Variants in PRKN observed in about 807,000 individuals in gnomAD.
PRKN encodes E3 ubiquitin-protein ligase parkin.
Under a neutral mutation model 59.5 loss-of-function variants are expected in PRKN, and 56 were observed. The observed-to-expected ratio is 0.94, with a 90% confidence interval of 0.76 to 1.18. The LOEUF (loss-of-function observed/expected upper bound fraction) is 1.18, where lower values mean the gene tolerates loss of function less well. Ranked by LOEUF, PRKN falls within the 50% of genes most tolerant of loss-of-function variation. The pLI is 0.00. For missense variants in PRKN, 657 were observed against 596.4 expected, an observed-to-expected ratio of 1.10 and a Z score of -1.06; for synonymous variants, 250 against 222.1, an observed-to-expected ratio of 1.13 and a Z score of -1.12.
intron 6 of PRKN, among the ~76,000 whole-genome samples, chr6:161,867,572 G>GA (rs1399151891): frequency 6.6e-6 from 1 of 151,828 alleles, no homozygotes; most frequent in Non-Finnish European, 1.5e-5. Flanking sequence ...GATGAAAATA[G>GA]AAAAAAGGTG....
chr6:162,589,452 G>T (rs1288793842), intron 1 of PRKN, among the ~76,000 whole-genome samples: 1 of 152,024 alleles, frequency 6.6e-6, no homozygotes, highest in Non-Finnish European at 1.5e-5. Context: ...ACACTTCTGG[G>T]AAAAGAAAGG....
chr6:162,403,157 T>C (rs1033287164), intron 2 of PRKN, among the ~76,000 whole-genome samples: 1 of 152,182 alleles, frequency 6.6e-6, no homozygotes, highest in African/African-American at 2.4e-5. Context: ...TCCATGAACG[T>C]GAAATTCTTT....
chr6:161,675,506 A>G (rs1380188293), intron 7 of PRKN, among the ~76,000 whole-genome samples: 1 of 152,232 alleles, frequency 6.6e-6, no homozygotes, highest in African/African-American at 2.4e-5. Context: ...CTGTCTGATA[A>G]AAACGCAAAG....
At chr6:161,474,077 G>T (rs112437175) in intron 9 of PRKN, among the ~76,000 whole-genome samples, 1 of 152,166 alleles carries the variant, frequency 6.6e-6, no homozygotes, top group African/African-American at 2.4e-5. Context: ...AATGGGCGTG[G>T]AGCATGATCA....
chr6:162,535,980 C>T (rs1778699392), intron 1 of PRKN, among the ~76,000 whole-genome samples: 1 of 151,598 alleles, frequency 6.6e-6, no homozygotes, highest in South Asian at 2.1e-4. Context: ...ATCTCCTAAA[C>T]TTCTCTCTCC....
chr6:162,213,056 A>G (rs1777458503), intron 3 of PRKN, among the ~76,000 whole-genome samples: 1 of 152,322 alleles, frequency 6.6e-6, no homozygotes, highest in Non-Finnish European at 1.5e-5. Flanking sequence ...TCAATAGGAA[A>G]AAAAATGAAG....
At chr6:162,363,360 C>T (rs1485454896) in intron 2 of PRKN, among the ~76,000 whole-genome samples, 1 of 101,462 alleles carries the variant, frequency 9.9e-6, no homozygotes, top group African/African-American at 5.7e-5. Context: ...TTACTACTAA[C>T]CCCCTTTCTG....
rs148533211 is a variant in PRKN at position 162,565,345 on chromosome 6, C to T, written c.8-121872G>A. 7.2e-3 allele frequency among the ~76,000 whole-genome samples: 1,096 copies of T among 152,100 alleles called. 6 individuals are homozygous for T. Among genetic ancestry groups the T allele is most frequent in the Admixed American group, 0.023 (348 of 15,276 alleles). ...GAAGGAAGAGAAGACAACAAAACAA[C>T]GAGAAAACAAATAACAAAATGGAGG... On this transcript the variant is annotated intron_variant, in intron 1 of 11. Coordinates refer to ENST00000366898, the MANE Select transcript of PRKN (RefSeq NM_004562.3).
chr6:162,446,027 A>C (rs1790301615), intron 1 of PRKN, among the ~76,000 whole-genome samples: 1 of 152,162 alleles, frequency 6.6e-6, no homozygotes, highest in African/African-American at 2.4e-5. Flanking sequence ...CAAATAAAGA[A>C]AATTCATGAA....
chr6:161,731,487 T>C (rs1454753996), intron 7 of PRKN, among the ~76,000 whole-genome samples: 2 of 152,228 alleles, frequency 1.3e-5, no homozygotes, highest in African/African-American at 4.8e-5. Flanking sequence ...GAATTTAACA[T>C]AAAGCATAAA....
rs1165958404 is a variant in PRKN, at chr6:161,429,659, A to G, written c.1084-42782T>C. On this transcript the variant is annotated intron_variant, in intron 9 of 11. Transcript: ENST00000366898. This position sits in a 1 kb window ranked among gnomAD's most constrained non-coding sequence, Gnocchi z 4.2. Reference sequence around the variant, plus strand: ...TCAGGTTTGGGCCACAAGTAGATCAATGAAGAAAGAGGAATCCAGAAGTTC... The same window carrying G: ...TCAGGTTTGGGCCACAAGTAGATCAGTGAAGAAAGAGGAATCCAGAAGTTC... Among the ~76,000 whole-genome samples the G allele has an allele frequency of 1.3e-5, 2 of 152,162 alleles. No individual in the cohort carries two copies. The highest frequency in any genetic ancestry group is 2.9e-5 in the Non-Finnish European group (2 of 68,032).
chr6:162,265,145 T>C (rs980329303), intron 2 of PRKN: 1 of 152,210 alleles, frequency 6.6e-6, no homozygotes, highest in Non-Finnish European at 1.5e-5. Flanking sequence ...CAAGTGTGTT[T>C]GTACTTTTTT....
intron 2 of PRKN, among the ~76,000 whole-genome samples, chr6:162,339,381 G>C (rs1784044613): frequency 6.7e-6 from 1 of 148,188 alleles, no homozygotes; most frequent in Non-Finnish European, 1.5e-5. Flanking sequence ...CCGTCCGGGA[G>C]GGAGGTGGGG....
chr6:162,215,231 A>T (rs531303267), intron 3 of PRKN, among the ~76,000 whole-genome samples: 5 of 152,304 alleles, frequency 3.3e-5, no homozygotes, highest in African/African-American at 1.2e-4. Context: ...TTGAAGGTGA[A>T]GGCTACATTT....
chr6:161,497,719 A>G lies in PRKN; in HGVS notation c.1083+51135T>C, dbSNP rs1461816511. 2.0e-5 allele frequency among the ~76,000 whole-genome samples: 3 copies of G among 152,166 alleles called. No individual in the cohort carries two copies. Among genetic ancestry groups the G allele is most frequent in the Non-Finnish European group, 4.4e-5 (3 of 68,030 alleles). ...CTCAATTATCTCTTCCTTTTGACAG[A>G]ATTCACATCAAATGCAAACAAGATG... is the stretch of plus-strand genomic sequence containing the variant. On this transcript the variant is annotated intron_variant, in intron 9 of 11. Coordinates refer to ENST00000366898, the MANE Select transcript of PRKN (RefSeq NM_004562.3). The surrounding 1 kb of genome is among the most constrained non-coding windows in gnomAD (Gnocchi z 4.6).
intron 4 of PRKN, among the ~76,000 whole-genome samples, chr6:162,063,938 C>T (rs1474563875): frequency 1.3e-5 from 2 of 150,268 alleles, no homozygotes; most frequent in African/African-American, 5.0e-5. Flanking sequence ...AATACACACA[C>T]ACACACAGAG....
Position 161,522,066 on chromosome 6 carries a change from T to A in PRKN, c.1083+26788A>T, listed in dbSNP as rs578039728. Among the ~76,000 whole-genome samples, 6 of 151,974 alleles carry A rather than the reference T, an allele frequency of 3.9e-5. No individual in the cohort carries two copies. The South Asian group carries it at 1.2e-3, about 32-fold the overall frequency. On this transcript the variant is annotated intron_variant, in intron 9 of 11. Transcript: ENST00000366898. The stretch of plus-strand genomic sequence containing the variant: ...ATGTGGACGGCGAATATTGATGCGG[T>A]GTGTGTGTATATAATGTTCTCCTGG...
At chr6:162,308,614 C>T (rs1441865904) in intron 2 of PRKN, among the ~76,000 whole-genome samples, 1 of 152,070 alleles carries the variant, frequency 6.6e-6, no homozygotes, top group African/African-American at 2.4e-5. Context: ...TGCATACCTC[C>T]CAACTTTTGC....
In PRKN at chr6:161,758,422, A is replaced by G. The variant is rs181004620; in HGVS notation, c.871+27350T>C. ...AAGGAGTAAACTTTTCTTATACACA[A>G]CAATGATAAATTTCAAAATAATTTT... On this transcript the variant is annotated intron_variant, in intron 7 of 11. Coordinates refer to ENST00000366898, the MANE Select transcript of PRKN (RefSeq NM_004562.3). 4.6e-5 allele frequency among the ~76,000 whole-genome samples: 7 copies of G among 152,314 alleles called. No individual in the cohort carries two copies. The East Asian group carries it at 1.2e-3, about 25-fold the overall frequency.
Sources: gnomAD v4.1 joint callset for allele counts (sites outside exome capture counted in the v4.1 genomes callset) on GRCh38, gnomAD v4.1.1 for gene constraint, Gnocchi (gnomAD v3.1) non-coding constraint, MANE v1.5 for transcripts, NCBI Gene and HGNC (gene_info 2026-07-23, HGNC 2026-07-21) for gene names.